CWC25: variants seen among roughly 807,000 people sequenced by gnomAD.
CWC25 encodes the protein pre-mRNA-splicing factor CWC25 homolog.
In CWC25, 31 loss-of-function variants were observed where a neutral mutation model predicts 54.6. The observed-to-expected ratio is 0.57, with a 90% CI of 0.43 to 0.77. The LOEUF is 0.77. CWC25 is among the 30% of genes least tolerant of loss of function. CWC25 has a pLI of 0.00. For synonymous variants in CWC25, 151 were observed against 187.0 expected (o/e 0.81, Z 1.57); for missense variants, 453 against 529.3 (o/e 0.86, Z 1.41).
intron 6 of CWC25, among the ~76,000 whole-genome samples, chr17:38,809,377 G>A (rs376221404): frequency 3.4e-5 from 5 of 148,508 alleles, no homozygotes; most frequent in African/African-American, 9.9e-5. Flanking sequence ...GCAGTGAGCC[G>A]AGATCGCGCC....
At chr17:38,816,761 G>A (rs1401978370) in intron 2 of CWC25, among the ~76,000 whole-genome samples, 1 of 151,196 alleles carries the variant, frequency 6.6e-6, no homozygotes, top group Non-Finnish European at 1.5e-5. Context: ...CTTGGCTCAC[G>A]GCAACCTCTG....
In CWC25 at chr17:38,821,439, A is replaced by G. The variant is rs942822404; in HGVS notation, c.19-366T>C. ...TGGGCGTGGTGGCAGGTGCGCCTGT[A>G]GTCCCGGCTATTCAGCAGGCTGAGG... On this transcript the variant is annotated intron_variant, in intron 1 of 9. Transcript: ENST00000614790. Among the ~76,000 whole-genome samples, 43 of 152,284 alleles carry G rather than the reference A, an allele frequency of 2.8e-4. 1 individual carries two copies. Among genetic ancestry groups the G allele is most frequent in the Middle Eastern group, 6.8e-3 (2 of 294 alleles).
intron 2 of CWC25, 135 bp from the exon 3 acceptor site, chr17:38,815,232 T>TA: frequency 1.3e-6 from 1 of 753,180 alleles, no homozygotes; most frequent in Non-Finnish European, 2.2e-6. Context: ...TACCATGCAA[T>TA]AAACACGGCA....
intron 3 of CWC25, 33 bp from the exon 4 acceptor site, chr17:38,812,897 T>C (rs916130282): frequency 1.6e-6 from 2 of 1,236,238 alleles, no homozygotes; most frequent in Non-Finnish European, 1.2e-6. Context: ...TTCATGACTA[T>C]TTCTTTTCTC....
chr17:38,809,283 T>C (rs61422252), intron 6 of CWC25, among the ~76,000 whole-genome samples: 20,369 of 148,580 alleles, frequency 0.14, 3,953 homozygotes, highest in African/African-American at 0.44. Context: ...CAAAAATTAG[T>C]CGGGCGTGGT....
chr17:38,804,404 T>G (rs1911144329), intron 8 of CWC25, among the ~76,000 whole-genome samples: 1 of 152,114 alleles, frequency 6.6e-6, no homozygotes, highest in Non-Finnish European at 1.5e-5. Flanking sequence ...GCACGGTGGC[T>G]CACACCTGTA....
chr17:38,821,101 T>C, intron 1 of CWC25, 28 bp from the exon 2 acceptor site: 1 of 1,601,732 alleles, frequency 6.2e-7, no homozygotes, highest in Non-Finnish European at 8.5e-7. Flanking sequence ...AAGGTGATGA[T>C]AATTCGGGGG....
At chr17:38,807,391 A>T (rs1911298998) in intron 6 of CWC25, among the ~76,000 whole-genome samples, 1 of 139,518 alleles carries the variant, frequency 7.2e-6, no homozygotes, top group South Asian at 2.3e-4. Flanking sequence ...CACTGAGCAC[A>T]CCAATATCAT....
chr17:38,810,620 A>C, intron 4 of CWC25, 25 bp from the exon 5 acceptor site: 4 of 1,162,774 alleles, frequency 3.4e-6, no homozygotes, highest in Non-Finnish European at 5.0e-6. Flanking sequence ...GAACACAAGC[A>C]CACAAGATTA....
intron 1 of CWC25, 128 bp from the exon 2 acceptor site, chr17:38,821,201 G>A (rs1040359144): frequency 4.9e-6 from 4 of 822,600 alleles, no homozygotes; most frequent in Non-Finnish European, 3.7e-6. Flanking sequence ...TTCAACAATG[G>A]CAAGGTTTTC....
chr17:38,805,627 G>A (rs1219748659), intron 8 of CWC25, among the ~76,000 whole-genome samples: 1 of 151,800 alleles, frequency 6.6e-6, no homozygotes, highest in Non-Finnish European at 1.5e-5. Flanking sequence ...ATAATTGAGG[G>A]GTTTTTTAAA....
chr17:38,812,701 GT>G (rs1911538659), intron 4 of CWC25, 93 bp downstream of exon 4: 2 of 713,780 alleles, frequency 2.8e-6, no homozygotes, highest in African/African-American at 1.8e-5. Flanking sequence ...AGGCCATTCT[GT>G]TTTTCCCCTG....
At position 38,809,731 on chromosome 17, in the gene CWC25, A is replaced by G; in HGVS notation, c.661T>C (p.Leu221=). The part of the protein sequence containing the change: ...QKKMANSSPV[L]SKVPGYGLQV... ...AAGCCATATCCAGGGACTTTGGACA[A>G]AACAGGGGAGGAATTTGCCATCTTC... Residue 221 remains leucine (L), a synonymous_variant, in exon 6 of 10, where the codon TTG becomes CTG. Coordinates refer to ENST00000614790, the MANE Select transcript of CWC25 (RefSeq NM_017748.5). 2.5e-6 allele frequency: 4 copies of G among 1,613,982 alleles called. No individual in the cohort carries two copies. Among genetic ancestry groups the G allele is most frequent in the Non-Finnish European group, 3.4e-6 (4 of 1,179,890 alleles).
chr17:38,820,913 A>G lies in CWC25; in HGVS notation c.179T>C (p.Val60Ala), dbSNP rs779579906. 6.2e-7 allele frequency: 1 copy of G among 1,611,440 alleles called. No individual in the cohort carries two copies. Among genetic ancestry groups the G allele is most frequent in the Admixed American group, 1.7e-5 (1 of 59,264 alleles). Residue 60 changes from valine (V) to alanine (A), a missense_variant, in exon 2 of 10, where the codon GTT (valine) becomes GCT (alanine). Transcript: ENST00000614790. ...REEMQRYAED[V>A]GAVKKKEEKL... Reference sequence around the variant, plus strand: ...GCTCCTCACTTACTTGACGGCCCCAACATCCTCCGCATAGCGCTGCATCTC... The same window carrying G: ...GCTCCTCACTTACTTGACGGCCCCAGCATCCTCCGCATAGCGCTGCATCTC...
In CWC25 at chr17:38,819,373, G is replaced by GT. The variant is rs1185763344; in HGVS notation, c.191+1527dup. Among the ~76,000 whole-genome samples the GT allele has an allele frequency of 1.8e-3, 245 of 135,258 alleles. 1 individual carries two copies. Among genetic ancestry groups the GT allele is most frequent in the East Asian group, 3.7e-3 (18 of 4,858 alleles). The allele number at this position is 135,258 out of a possible 152,430, so 88.7% of individuals were successfully genotyped here. A position where few individuals can be genotyped will look rare whatever the true frequency, so the allele number is the denominator to read the frequency against. On this transcript the variant is annotated intron_variant, in intron 2 of 9. Transcript: ENST00000614790. ...TGCCACCATGCCTGGCTAATTTTTG[G>GT]TTTTTTTTTTTTGAGACGGAGTCTC... is the stretch of plus-strand genomic sequence containing the variant.
chr17:38,815,810 C>G, intron 2 of CWC25: 1 of 523,038 alleles, frequency 1.9e-6, no homozygotes, highest in Non-Finnish European at 3.0e-6. Flanking sequence ...TGACCACATA[C>G]GCAGTTGCAT....
chr17:38,820,423 C>A (rs1037469028), intron 2 of CWC25, among the ~76,000 whole-genome samples: 1 of 151,964 alleles, frequency 6.6e-6, no homozygotes, highest in Non-Finnish European at 1.5e-5. Flanking sequence ...TGGCATTGGC[C>A]GTAATCACTC....
intron 2 of CWC25, among the ~76,000 whole-genome samples, chr17:38,818,854 C>A (rs1463156269): frequency 3.3e-5 from 5 of 152,038 alleles, no homozygotes. Context: ...TGCATCTGTA[C>A]TCTGACCTCA....
chr17:38,804,186 T>A lies in CWC25; in HGVS notation c.1002-1325A>T, dbSNP rs12936479. ...GAAAGGAAATGTAACCTCCATATTCTGCTTGGCTTAGGAATGAAAAGTATC... is the reference window on the plus strand; with the variant it reads ...GAAAGGAAATGTAACCTCCATATTCAGCTTGGCTTAGGAATGAAAAGTATC... On this transcript the variant is annotated intron_variant, in intron 8 of 9. Transcript: ENST00000614790. Among the ~76,000 whole-genome samples, 207 of 152,254 alleles carry A rather than the reference T, an allele frequency of 1.4e-3. 1 individual carries two copies. Among genetic ancestry groups the A allele is most frequent in the African/African-American group, 4.4e-3 (181 of 41,548 alleles).
Sources: allele counts gnomAD v4.1 joint callset (sites outside exome capture counted in the v4.1 genomes callset), GRCh38; gene constraint gnomAD v4.1.1; transcripts MANE v1.5; gene names NCBI Gene and HGNC (gene_info 2026-07-23, HGNC 2026-07-21).